The following TNS2 variants were observed in gnomAD, a reference collection of about 807,000 sequenced individuals.
TNS2 encodes tensin 2, also known as tensin-2.
Under a neutral mutation model 155.7 loss-of-function variants are expected in TNS2, and 77 were observed. That is an observed-to-expected ratio of 0.49 (90% CI 0.41 to 0.60). TNS2 has a LOEUF of 0.60. TNS2 is among the 20% of genes least tolerant of loss of function. The pLI is 0.00. For synonymous variants in TNS2, 726 were observed against 763.9 expected (o/e 0.95, Z 0.82); for missense variants, 1,703 against 1,868.8 (o/e 0.91, Z 1.64).
At position 53,060,999 on chromosome 12, in the gene TNS2, C is replaced by T; in HGVS notation, c.3093C>T (p.Pro1031=). 6.2e-7 allele frequency: 1 copy of T among 1,613,144 alleles called. No individual in the cohort carries two copies. The highest frequency in any genetic ancestry group is 8.5e-7 in the Non-Finnish European group (1 of 1,179,666). The part of the protein sequence containing the change: ...RGPPDSPDGS[P]LTPVPSQMPW... Reference sequence around the variant, plus strand: ...CCCCCGACAGCCCAGATGGGTCTCCCCTCACTCCTGTGCCTTCCCAGATGC... The same window carrying T: ...CCCCCGACAGCCCAGATGGGTCTCCTCTCACTCCTGTGCCTTCCCAGATGC... Residue 1031 remains proline (P), a synonymous_variant, in exon 20 of 29, where the codon CCC becomes CCT. Transcript: ENST00000314250. This position sits in a 1 kb window ranked among gnomAD's most constrained non-coding sequence, Gnocchi z 6.1.
chr12:53,047,604 T>A (rs1192656876), upstream of TNS2, among the ~76,000 whole-genome samples: 2 of 151,314 alleles, frequency 1.3e-5, no homozygotes, highest in African/African-American at 4.8e-5. Flanking sequence ...CCCTACTCGA[T>A]CAGGCCGCCA....
At position 53,063,662 on chromosome 12, in the gene TNS2, CA is replaced by C; in HGVS notation, c.4091+71del. ...GGCGCTGCTGTCCTCTCAATGCTGG[CA>C]TTTGATTTGTCTCACCAAGGCCAGC... is the stretch of plus-strand genomic sequence containing the variant. On this transcript the variant is annotated intron_variant, in intron 28 of 28. Transcript: ENST00000314250. This position sits in a 1 kb window ranked among gnomAD's most constrained non-coding sequence, Gnocchi z 5.6. 1.2e-6 allele frequency: 2 copies of C among 1,614,138 alleles called. No individual in the cohort carries two copies. The highest frequency in any genetic ancestry group is 2.2e-5 in the South Asian group (2 of 91,086).
chr12:53,047,460 G>C (rs1333848651), upstream of TNS2, among the ~76,000 whole-genome samples: 1 of 142,530 alleles, frequency 7.0e-6, no homozygotes, highest in Non-Finnish European at 1.6e-5. Flanking sequence ...AGGGGGCGCG[G>C]GGCCGCCGGA....
At chr12:53,054,858 T>G (rs1328933390) in intron 7 of TNS2, among the ~76,000 whole-genome samples, 1 of 146,994 alleles carries the variant, frequency 6.8e-6, no homozygotes, top group Non-Finnish European at 1.5e-5. Flanking sequence ...TTTTTTTTTT[T>G]TTTTTTTTGT....
chr12:53,059,944 G>C lies in TNS2; in HGVS notation c.2303G>C (p.Cys768Ser). The stretch of plus-strand genomic sequence containing the variant: ...GCAGGCGAGGAAGGGCACGAGGGCT[G>C]CTCCTACACCATGTGCCCCGAAGGC... ...PKAGEEGHEGCSYTMCPEGRY... is the reference protein window; with the variant it reads ...PKAGEEGHEGSSYTMCPEGRY... Residue 768 changes from cysteine to serine, a missense_variant, in exon 18 of 29, where the codon TGC (cysteine) becomes TCC (serine). Transcript: ENST00000314250. The surrounding 1 kb of genome is among the most constrained non-coding windows in gnomAD (Gnocchi z 4.7). 6.2e-7 allele frequency: 1 copy of C among 1,611,658 alleles called. No individual in the cohort carries two copies. The highest frequency in any genetic ancestry group is 1.3e-5 in the African/African-American group (1 of 75,038).
upstream of TNS2, among the ~76,000 whole-genome samples, chr12:53,047,734 T>C (rs1399821822): frequency 6.6e-6 from 1 of 152,160 alleles, no homozygotes. Context: ...GGCGAACGTT[T>C]TCCTTTCCTG....
At chr12:53,053,716 T>C (rs757609908) in intron 4 of TNS2, 58 bp from the exon 5 acceptor site, 210 of 1,594,996 alleles carry the variant, frequency 1.3e-4, no homozygotes, top group Non-Finnish European at 1.7e-4. Context: ...AAGGCCCACA[T>C]TGGTCCTTGC....
In TNS2 at chr12:53,063,664, T is replaced by C. The variant is rs1425358947; in HGVS notation, c.4091+72T>C. The C allele has an allele frequency of 2.5e-6, 4 of 1,614,048 alleles. No individual in the cohort carries two copies. The highest frequency in any genetic ancestry group is 1.1e-5 in the South Asian group (1 of 91,092). On this transcript the variant is annotated intron_variant, in intron 28 of 28. Transcript: ENST00000314250. This position sits in a 1 kb window ranked among gnomAD's most constrained non-coding sequence, Gnocchi z 5.6. The stretch of plus-strand genomic sequence containing the variant: ...CGCTGCTGTCCTCTCAATGCTGGCA[T>C]TTGATTTGTCTCACCAAGGCCAGCT...
chr12:53,055,976 T>C, intron 10 of TNS2, 131 bp downstream of exon 10: 3 of 888,642 alleles, frequency 3.4e-6, no homozygotes, highest in Non-Finnish European at 5.2e-6. Context: ...CACTTCCACC[T>C]CCCTTTTATC....
upstream of TNS2, chr12:53,048,947 T>C (rs1943821867): frequency 2.1e-6 from 1 of 484,244 alleles, no homozygotes. Context: ...AGGGGCACAT[T>C]TGCACATTCT....
In TNS2 at chr12:53,061,253, C is replaced by T. The variant is rs1944375264; in HGVS notation, c.3347C>T (p.Pro1116Leu). Residue 1116 changes from proline to leucine, a missense_variant, in exon 20 of 29, where the codon CCC becomes CTC. Coordinates refer to ENST00000314250, the MANE Select transcript of TNS2 (RefSeq NM_170754.4). ...GCACCTCTGCTCTCAGATAATGTCCCCCAAACCCCAGGTATAAAGGCCTTG... is the reference window on the plus strand; with the variant it reads ...GCACCTCTGCTCTCAGATAATGTCCTCCAAACCCCAGGTATAAAGGCCTTG... ...TFAPLLSDNVPQTPEPPTQES... is the reference protein window; with the variant it reads ...TFAPLLSDNVLQTPEPPTQES... The T allele has an allele frequency of 1.3e-6, 2 of 1,570,350 alleles. No individual in the cohort carries two copies. The highest frequency in any genetic ancestry group is 1.7e-6 in the Non-Finnish European group (2 of 1,158,264).
intron 22 of TNS2, 23 bp downstream of exon 22, chr12:53,061,963 TG>T (rs1395536147): frequency 1.9e-6 from 3 of 1,607,926 alleles, no homozygotes; most frequent in Non-Finnish European, 2.5e-6. Context: ...CAAACCTGAG[TG>T]GGGTGGGGAT....
chr12:53,062,845 G>A, intron 25 of TNS2, 148 bp downstream of exon 25: 1 of 1,053,440 alleles, frequency 9.5e-7, no homozygotes, highest in African/African-American at 1.6e-5. Context: ...CGGGGATGAG[G>A]AATTGGGTCC....
At chr12:53,056,875 C>T (rs1218135038) in intron 10 of TNS2, 138 bp from the exon 11 acceptor site, 1 of 764,610 alleles carries the variant, frequency 1.3e-6, no homozygotes, top group Admixed American at 2.6e-5. Context: ...CATGGTGCTT[C>T]TCATTCTCAT....
intron 11 of TNS2, 96 bp downstream of exon 11, chr12:53,057,192 T>TGTGCCAAGCGCC: frequency 7.4e-7 from 1 of 1,351,580 alleles, no homozygotes; most frequent in Non-Finnish European, 1.0e-6. Context: ...TTTCACTGAG[T>TGTGCCAAGCGCC]GTGCCAAGCG....
At position 53,053,782 on chromosome 12, in the gene TNS2, C is replaced by T; in HGVS notation, c.270C>T (p.Asn90=). The part of the protein sequence containing the change: ...QALPPVELRR[N]TAPVRRIEHL... ...CCCCCATCTCCCTCTAGCGGCGAAA[C>T]ACGGCCCCAGTCAGGCGCATAGAGC... The change falls in exon 5 of 29, where the codon AAC becomes AAT. Residue 90 remains asparagine, a synonymous_variant. Transcript: ENST00000314250. 1.9e-6 allele frequency: 3 copies of T among 1,611,512 alleles called. No homozygotes were observed. Among genetic ancestry groups the T allele is most frequent in the Non-Finnish European group, 1.7e-6 (2 of 1,179,186 alleles).
rs992395231 is a variant in TNS2, at chr12:53,062,974, A to G, written c.3824-115A>G. On this transcript the variant is annotated intron_variant, in intron 25 of 28. Coordinates refer to ENST00000314250, the MANE Select transcript of TNS2 (RefSeq NM_170754.4). ...AGTCATGGAATCTGCCTTTTTAACA[A>G]GTCACCTATGTGATTGTAAAGCATG... 14 of 1,373,522 alleles carry G rather than the reference A, an allele frequency of 1.0e-5. No individual in the cohort carries two copies. In the East Asian group the frequency reaches 2.3e-4, roughly 23 times the overall value. The allele number at this position is 1,373,522 out of a possible 1,614,324, so 85.1% of individuals were successfully genotyped here. A position where few individuals can be genotyped will look rare whatever the true frequency, so the allele number is the denominator to read the frequency against.
In TNS2 at chr12:53,057,565, A is replaced by G. The variant is rs748759485; in HGVS notation, c.846-2A>G. 2 of 1,608,684 alleles carry G rather than the reference A, an allele frequency of 1.2e-6. No individual in the cohort carries two copies. The highest frequency in any genetic ancestry group is 2.2e-5 in the South Asian group (2 of 90,640). ...TGTTCTCCTTGACACGCCCTCCACC[A>G]GATATATCAGCTACTTCAGTGGGCT... On this transcript the variant is annotated splice_acceptor_variant, in intron 11 of 28. Coordinates refer to ENST00000314250, the MANE Select transcript of TNS2 (RefSeq NM_170754.4). LOFTEE classifies it high-confidence loss of function.
In TNS2 at chr12:53,059,932, G is replaced by A. The variant is rs145888788; in HGVS notation, c.2291G>A (p.Gly764Glu). The change falls in exon 18 of 29, where the codon GGG (glycine) becomes GAG (glutamate). Residue 764 changes from glycine (G) to glutamate (E), a missense_variant. Coordinates refer to ENST00000314250, the MANE Select transcript of TNS2 (RefSeq NM_170754.4). The surrounding 1 kb of genome is among the most constrained non-coding windows in gnomAD (Gnocchi z 4.7). ...AAGCCACCCAAGGCAGGCGAGGAAG[G>A]GCACGAGGGCTGCTCCTACACCATG... ...CLKPPKAGEE[G>E]HEGCSYTMCP... is the part of the protein sequence containing the mutation. The A allele has an allele frequency of 1.1e-3, 1,760 of 1,611,038 alleles. 33 individuals are homozygous for A. In the South Asian group the frequency reaches 0.018, roughly 17 times the overall value.
Sources: gnomAD v4.1 joint callset for allele counts (sites outside exome capture counted in the v4.1 genomes callset) on GRCh38, gnomAD v4.1.1 for gene constraint, Gnocchi (gnomAD v3.1) non-coding constraint, MANE v1.5 for transcripts, NCBI Gene and HGNC (gene_info 2026-07-23, HGNC 2026-07-21) for gene names.